The following SMC2 variants were observed in gnomAD, a reference collection of about 807,000 sequenced individuals.
The protein encoded by SMC2 is structural maintenance of chromosomes protein 2.
A neutral mutation model predicts 142.6 loss-of-function variants in SMC2; 41 were observed. That is an observed-to-expected ratio of 0.29 (90% CI 0.22 to 0.37). The LOEUF is 0.37. Ranked by LOEUF, SMC2 falls within the 10% of genes least tolerant of loss-of-function variation. The pLI, the probability that SMC2 is intolerant of heterozygous loss-of-function variation, is 1.00. For missense variants in SMC2, 1,265 were observed against 1,373.7 expected (o/e 0.92, Z 1.25); for synonymous variants, 463 against 457.5 (o/e 1.01, Z -0.15).
intron 14 of SMC2, among the ~76,000 whole-genome samples, chr9:104,117,151 TG>T (rs1169933309): frequency 6.6e-6 from 1 of 152,208 alleles, no homozygotes; most frequent in African/African-American, 2.4e-5. Context: ...TGAAAGGTGA[TG>T]TTTTTGGTTG....
In SMC2 at chr9:104,140,180, C is replaced by T. The variant is rs192898552; in HGVS notation, c.*865C>T. 1.3e-5 allele frequency: 2 copies of T among 152,052 alleles called. No individual in the cohort carries two copies. Among genetic ancestry groups the T allele is most frequent in the Admixed American group, 1.3e-4 (2 of 15,254 alleles). The allele number at this position is 152,052 out of a possible 1,614,324, so 9.4% of individuals were successfully genotyped here. A position where few individuals can be genotyped will look rare whatever the true frequency, so the allele number is the denominator to read the frequency against. ...AGAATGTAGGTGCCAGTAGACTAAA[C>T]CAAATTTATTTTTCCCTGAGTCTGA... On this transcript the variant is annotated 3_prime_UTR_variant, in exon 25 of 25. Transcript: ENST00000374793.
At position 104,129,634 on chromosome 9, in the gene SMC2, T is replaced by C. The variant is rs762611746; in HGVS notation, c.2791-11T>C. The C allele has an allele frequency of 8.1e-6, 13 of 1,605,700 alleles. No individual in the cohort carries two copies. The highest frequency in any genetic ancestry group is 1.1e-5 in the Non-Finnish European group (13 of 1,172,598). On this transcript the variant is annotated splice_polypyrimidine_tract_variant and intron_variant, in intron 20 of 24. Transcript: ENST00000374793. ...TTCATAGATCTCCCATCTATTTTTA[T>C]ATGTGGCTAGGTATCCAAAATGTTG...
At chr9:104,109,612 T>C (rs1449354449) in intron 9 of SMC2, among the ~76,000 whole-genome samples, 2 of 152,214 alleles carry the variant, frequency 1.3e-5, no homozygotes, top group Non-Finnish European at 2.9e-5. Context: ...TGTATGACGC[T>C]GAAACAACAT....
chr9:104,137,629 C>A (rs935672629), intron 23 of SMC2, among the ~76,000 whole-genome samples: 5 of 151,728 alleles, frequency 3.3e-5, no homozygotes, highest in African/African-American at 1.2e-4. Context: ...GTTACTGTTA[C>A]CAAGATCATA....
chr9:104,106,386 TTTTA>T (rs1465346369), intron 9 of SMC2, among the ~76,000 whole-genome samples: 3 of 152,060 alleles, frequency 2.0e-5, no homozygotes, highest in African/African-American at 7.2e-5. Context: ...ATTTATTTTA[TTTTA>T]TTTATTTATT....
intron 16 of SMC2, 126 bp downstream of exon 16, chr9:104,120,288 T>C: frequency 2.3e-6 from 2 of 875,682 alleles, no homozygotes; most frequent in Non-Finnish European, 3.3e-6. Context: ...TTAAAATGTT[T>C]GATTAAATTG....
chr9:104,111,641 G>C lies in SMC2; in HGVS notation c.1081G>C (p.Ala361Pro). ...TAAAAAGATAACAGATGGACTGCAT[G>C]CCCTTCAAGAAGCAAGTAATAAAGA... Reference protein sequence around the residue: ...EVKKITDGLHALQEASNKDAE... With the variant: ...EVKKITDGLHPLQEASNKDAE... The change falls in exon 10 of 25, where the codon GCC (alanine) becomes CCC (proline). Residue 361 changes from alanine to proline, a missense_variant. Ala to Pro is a conservative substitution (Grantham distance 27). This residue lies in a region of SMC2 where 898 missense variants were observed against 904.2 expected (regional missense o/e 0.99). Transcript: ENST00000374793. 1 of 1,614,038 alleles carries C rather than the reference G, an allele frequency of 6.2e-7. No homozygotes were observed. The highest frequency in any genetic ancestry group is 8.5e-7 in the Non-Finnish European group (1 of 1,179,936).
chr9:104,122,420 A>ATATC (rs1228298314), intron 16 of SMC2, among the ~76,000 whole-genome samples: 4 of 152,014 alleles, frequency 2.6e-5, no homozygotes, highest in African/African-American at 7.2e-5. Context: ...ACTGTCAAGT[A>ATATC]TATCTTCAGG....
At chr9:104,096,598 C>T (rs772418021) in intron 3 of SMC2, among the ~76,000 whole-genome samples, 1 of 152,228 alleles carries the variant, frequency 6.6e-6, no homozygotes, top group Non-Finnish European at 1.5e-5. Flanking sequence ...TACTTGAGAT[C>T]TTTCAATCTT....
chr9:104,089,910 T>C (rs1008305521), upstream of SMC2, among the ~76,000 whole-genome samples: 1 of 152,056 alleles, frequency 6.6e-6, no homozygotes, highest in Non-Finnish European at 1.5e-5. Flanking sequence ...CCTCCCAAAG[T>C]GCTGGGATTA....
rs773423958 is a variant in SMC2, at chr9:104,102,406, G to A, written c.871-18G>A. On this transcript the variant is annotated intron_variant, in intron 8 of 24. Coordinates refer to ENST00000374793, the MANE Select transcript of SMC2 (RefSeq NM_006444.3). ...CAAATTTTACATAAGTGATTGAATT[G>A]ACTGCATTTTGTTATAGGAAACTGG... 9.5e-6 allele frequency: 15 copies of A among 1,581,992 alleles called. No individual in the cohort carries two copies. Among genetic ancestry groups the A allele is most frequent in the Non-Finnish European group, 1.2e-5 (14 of 1,167,000 alleles).
In SMC2 at chr9:104,132,069, A is replaced by C; in HGVS notation, c.3052A>C (p.Thr1018Pro). The change falls in exon 22 of 25, where the codon ACT becomes CCT. Residue 1018 changes from threonine to proline, a missense_variant. Around this residue, in one of 4 missense-constraint regions of SMC2, gnomAD observed 192 missense variants for 261.9 expected, o/e 0.73. Transcript: ENST00000374793. Reference sequence around the variant, plus strand: ...AAATGACAAATCCAAAATTCTTACAACTATAGAAGACCTTGACCAGAAGAA... The same window carrying C: ...AAATGACAAATCCAAAATTCTTACACCTATAGAAGACCTTGACCAGAAGAA... ...VENDKSKILT[T>P]IEDLDQKKNQ... 1 of 1,602,948 alleles carries C rather than the reference A, an allele frequency of 6.2e-7. No homozygotes were observed. The highest frequency in any genetic ancestry group is 8.5e-7 in the Non-Finnish European group (1 of 1,174,602).
intron 16 of SMC2, among the ~76,000 whole-genome samples, chr9:104,121,027 A>G (rs1833671752): frequency 6.6e-6 from 1 of 152,206 alleles, no homozygotes; most frequent in African/African-American, 2.4e-5. Context: ...TTAAAATTTT[A>G]TATTGGGTGG....
In SMC2 at chr9:104,113,477, T is replaced by C; in HGVS notation, c.1414+2T>C. On this transcript the variant is annotated splice_donor_variant, in intron 11 of 24. Coordinates refer to ENST00000374793, the MANE Select transcript of SMC2 (RefSeq NM_006444.3). LOFTEE classifies it high-confidence loss of function. ...AAATGAAAAAGCTAAATTATGAAGG[T>C]TTGCCTTTAAAAACATGATAATCAG... The C allele has an allele frequency of 6.3e-7, 1 of 1,590,572 alleles. No individual in the cohort carries two copies. The highest frequency in any genetic ancestry group is 8.5e-7 in the Non-Finnish European group (1 of 1,171,640).
chr9:104,124,183 C>T (rs1178092785), intron 17 of SMC2, among the ~76,000 whole-genome samples: 3 of 152,172 alleles, frequency 2.0e-5, no homozygotes, highest in Non-Finnish European at 2.9e-5. Flanking sequence ...CCTCCACCTC[C>T]TGGGTTCAGG....
At chr9:104,129,979 T>C in intron 21 of SMC2, 134 bp downstream of exon 21, 1 of 675,490 alleles carries the variant, frequency 1.5e-6, no homozygotes, top group Non-Finnish European at 2.5e-6. Context: ...TGCTTTCCTT[T>C]TTCTCTTTTC....
At position 104,134,419 on chromosome 9, in the gene SMC2, A is replaced by G. The variant is rs1564118965; in HGVS notation, c.3113A>G (p.Asn1038Ser). Residue 1038 changes from asparagine to serine, a missense_variant, in exon 23 of 25, where the codon AAC becomes AGC. Asn to Ser is a conservative substitution (Grantham distance 46, BLOSUM62 1). Coordinates refer to ENST00000374793, the MANE Select transcript of SMC2 (RefSeq NM_006444.3). ...QALNIAWQKVNKDFGSIFSTL... is the reference protein window; with the variant it reads ...QALNIAWQKVSKDFGSIFSTL... ...TTTTTTATTTTTTAAATCCAGGTGA[A>G]CAAGGACTTTGGGTCTATTTTTTCT... The G allele has an allele frequency of 1.3e-6, 2 of 1,572,226 alleles. No homozygotes were observed. The highest frequency in any genetic ancestry group is 2.2e-5 in the East Asian group (1 of 44,584).
At chr9:104,106,188 A>G (rs1226472548) in intron 9 of SMC2, among the ~76,000 whole-genome samples, 4 of 152,148 alleles carry the variant, frequency 2.6e-5, no homozygotes, top group South Asian at 2.1e-4. Context: ...AAAGTCCACT[A>G]TATTCCACAA....
rs780698253 is a variant in SMC2 at position 104,125,089 on chromosome 9, T to C, written c.2435T>C (p.Met812Thr). 1.3e-6 allele frequency: 2 copies of C among 1,573,158 alleles called. No individual in the cohort carries two copies. Among genetic ancestry groups the C allele is most frequent in the South Asian group, 1.2e-5 (1 of 83,148 alleles). ...AAGGCAGATGCATCTAGCAAGAAGA[T>C]GAAAGAAAAACAACAGGTAATAACT... ...KTKADASSKK[M>T]KEKQQEVEAI... Residue 812 changes from methionine to threonine, a missense_variant, in exon 18 of 25, where the codon ATG becomes ACG. Coordinates refer to ENST00000374793, the MANE Select transcript of SMC2 (RefSeq NM_006444.3).
Sources: allele counts gnomAD v4.1 joint callset (sites outside exome capture counted in the v4.1 genomes callset), GRCh38; gene constraint gnomAD v4.1.1; regional missense constraint gnomAD v4.1.1; transcripts MANE v1.5; gene names NCBI Gene and HGNC (gene_info 2026-07-23, HGNC 2026-07-21).